LAMA3: variants seen among roughly 807,000 people sequenced by gnomAD.
LAMA3 encodes laminin subunit alpha-3.
Under a neutral mutation model 402.0 loss-of-function variants are expected in LAMA3, and 281 were observed. The observed-to-expected ratio is 0.70, with a 90% CI of 0.63 to 0.77. LAMA3 has a LOEUF of 0.77. LAMA3 is among the 30% of genes least tolerant of loss of function. The pLI, the probability that LAMA3 is intolerant of heterozygous loss-of-function variation, is 0.00. For missense variants in LAMA3, 3,840 were observed against 4,215.5 expected (o/e 0.91, Z 2.47); for synonymous variants, 1,431 against 1,558.4 (o/e 0.92, Z 1.93).
chr18:23,721,041 C>G (rs1164772066), intron 2 of LAMA3, among the ~76,000 whole-genome samples: 2 of 151,842 alleles, frequency 1.3e-5, no homozygotes, highest in Non-Finnish European at 2.9e-5. Flanking sequence ...ACTTGTAGTC[C>G]TAGCAACTCA....
chr18:23,713,805 G>A, intron 1 of LAMA3, 115 bp from the exon 2 acceptor site: 1 of 888,790 alleles, frequency 1.1e-6, no homozygotes, highest in Non-Finnish European at 1.8e-6. Context: ...TCTCTAAGCT[G>A]TATAAGATAG....
chr18:23,834,143 C>G (rs1598884228), intron 24 of LAMA3, 155 bp downstream of exon 24: 1 of 809,168 alleles, frequency 1.2e-6, no homozygotes, highest in African/African-American at 1.7e-5. Flanking sequence ...AACGTCATCA[C>G]CAGTGTGGGT....
At chr18:23,936,211 T>C (rs984778621) in intron 67 of LAMA3, among the ~76,000 whole-genome samples, 2 of 151,478 alleles carry the variant, frequency 1.3e-5, no homozygotes, top group African/African-American at 2.4e-5. Flanking sequence ...ATTAACTAAA[T>C]TTTTATTTTT....
At chr18:23,853,561 T>A (rs1269246852) in intron 32 of LAMA3, among the ~76,000 whole-genome samples, 2 of 152,168 alleles carry the variant, frequency 1.3e-5, no homozygotes, top group Non-Finnish European at 2.9e-5. Flanking sequence ...CATGAGCCAC[T>A]GCACCCGGCC....
intron 21 of LAMA3, among the ~76,000 whole-genome samples, chr18:23,824,988 C>T (rs1009187221): frequency 8.5e-5 from 13 of 152,148 alleles, no homozygotes; most frequent in Non-Finnish European, 1.5e-4. Flanking sequence ...TTATTGTCTA[C>T]ACTGTCTGGA....
chr18:23,764,031 G>C (rs113911224), intron 8 of LAMA3, among the ~76,000 whole-genome samples: 13 of 152,182 alleles, frequency 8.5e-5, no homozygotes, highest in African/African-American at 2.4e-4. Flanking sequence ...GGGAGTGTAT[G>C]GCGGAAGAGG....
At chr18:23,906,941 A>G (rs1002247782) in intron 52 of LAMA3, among the ~76,000 whole-genome samples, 5 of 152,208 alleles carry the variant, frequency 3.3e-5, no homozygotes, top group African/African-American at 1.2e-4. Context: ...GGATGGCAAT[A>G]TTATCAGCTA....
chr18:23,909,087 G>A (rs567024733), intron 54 of LAMA3, 66 bp from the exon 55 acceptor site: 1 of 1,472,874 alleles, frequency 6.8e-7, no homozygotes, highest in South Asian at 1.1e-5. Context: ...CTGTCAGTAA[G>A]AACATTTGTA....
chr18:23,879,658 C>T lies in LAMA3; in HGVS notation c.5113-2278C>T, dbSNP rs898698593. Reference sequence around the variant, plus strand: ...AGTGGACGTGGGCTTCTGCAGCATTCGTTCATTTATTTATTCACAGTAAAA... The same window carrying T: ...AGTGGACGTGGGCTTCTGCAGCATTTGTTCATTTATTTATTCACAGTAAAA... On this transcript the variant is annotated intron_variant, in intron 39 of 74. Transcript: ENST00000313654. The surrounding 1 kb of genome is among the most constrained non-coding windows in gnomAD (Gnocchi z 4.2). Among the ~76,000 whole-genome samples the T allele has an allele frequency of 2.6e-5, 4 of 152,184 alleles. No individual in the cohort carries two copies. Among genetic ancestry groups the T allele is most frequent in the African/African-American group, 9.7e-5 (4 of 41,434 alleles).
At position 23,932,190 on chromosome 18, in the gene LAMA3, G is replaced by A; in HGVS notation, c.8607G>A (p.Leu2869=). 4 of 1,614,106 alleles carry A rather than the reference G, an allele frequency of 2.5e-6. No individual in the cohort carries two copies. Among genetic ancestry groups the A allele is most frequent in the Non-Finnish European group, 3.4e-6 (4 of 1,179,950 alleles). Residue 2869 remains leucine, a synonymous_variant, in exon 66 of 75, where the codon CTG becomes CTA. Transcript: ENST00000313654. ...GGCTTCTCATCGATGACCAGCTTCT[G>A]AGAAATAGCAAAAGGCTAAAACACA... is the stretch of plus-strand genomic sequence containing the variant. ...GLRLLIDDQL[L]RNSKRLKHIS...
chr18:23,921,878 C>T (rs2081854030), intron 62 of LAMA3, among the ~76,000 whole-genome samples: 1 of 152,194 alleles, frequency 6.6e-6, no homozygotes, highest in Admixed American at 6.5e-5. Context: ...GCAAGTAGAA[C>T]AGAGGCTGTG....
At chr18:23,847,750 C>T in intron 32 of LAMA3, 82 bp downstream of exon 32, 2 of 1,381,658 alleles carry the variant, frequency 1.4e-6, no homozygotes, top group South Asian at 2.5e-5. Flanking sequence ...TCGTCACTTT[C>T]CACTTCCCAC....
intron 11 of LAMA3, 53 bp downstream of exon 11, chr18:23,777,672 C>A (rs1555691915): frequency 7.8e-7 from 1 of 1,286,234 alleles, no homozygotes; most frequent in East Asian, 2.3e-5. Flanking sequence ...TGCCCTTATT[C>A]TTTTCCTACT....
At chr18:23,902,970 T>G (rs773807045) in intron 48 of LAMA3, 39 bp from the exon 49 acceptor site, 1 of 1,181,420 alleles carries the variant, frequency 8.5e-7, no homozygotes, top group East Asian at 2.3e-5. Context: ...TCTGATAATA[T>G]ATCATAGAGC....
intron 14 of LAMA3, among the ~76,000 whole-genome samples, chr18:23,813,844 T>C (rs1239139529): frequency 6.6e-6 from 1 of 152,138 alleles, no homozygotes; most frequent in African/African-American, 2.4e-5. Flanking sequence ...ACCCGGCCTA[T>C]TCTGAACAAT....
intron 7 of LAMA3, among the ~76,000 whole-genome samples, chr18:23,761,549 A>G (rs1340329154): frequency 6.6e-6 from 1 of 152,212 alleles, no homozygotes; most frequent in Non-Finnish European, 1.5e-5. Context: ...GATGGTACCT[A>G]CCTTAGAGAG....
At chr18:23,944,005 G>T in intron 69 of LAMA3, 34 bp downstream of exon 69, 3 of 1,600,950 alleles carry the variant, frequency 1.9e-6, no homozygotes, top group Non-Finnish European at 2.6e-6. Context: ...ATCTCCAGTT[G>T]GTGTGGAATT....
At chr18:23,884,525 A>G (rs541768710) in intron 40 of LAMA3, among the ~76,000 whole-genome samples, 12 of 152,274 alleles carry the variant, frequency 7.9e-5, no homozygotes, top group African/African-American at 2.9e-4. Context: ...AGGGGAAAAA[A>G]TGCTCTTCCC....
chr18:23,834,055 G>A (rs1225236998), intron 24 of LAMA3, 67 bp downstream of exon 24: 12 of 1,575,432 alleles, frequency 7.6e-6, no homozygotes, highest in Non-Finnish European at 1.0e-5. Context: ...TAGGAACTTT[G>A]GCTGTTACTT....
Sources: gnomAD v4.1 joint callset for allele counts (sites outside exome capture counted in the v4.1 genomes callset) on GRCh38, gnomAD v4.1.1 for gene constraint, Gnocchi (gnomAD v3.1) non-coding constraint, MANE v1.5 for transcripts, NCBI Gene and HGNC (gene_info 2026-07-23, HGNC 2026-07-21) for gene names.